The following NTN1 variants were observed in gnomAD, a reference collection of about 807,000 sequenced individuals.
NTN1 encodes the protein netrin-1.
NTN1 carries 11 observed loss-of-function variants against 54.2 expected under a neutral mutation model. That is an observed-to-expected ratio of 0.20 (90% confidence interval 0.13 to 0.34). NTN1 has a LOEUF of 0.34. Among genes scored for constraint, NTN1 ranks in the 10% least tolerant of loss-of-function variants. The pLI is 1.00. For synonymous variants in NTN1, 371 were observed against 382.0 expected (o/e 0.97, Z 0.33); for missense variants, 740 against 893.1 (o/e 0.83, Z 2.18).
intron 6 of NTN1, among the ~76,000 whole-genome samples, chr17:9,222,042 C>T (rs532720179): frequency 1.2e-4 from 18 of 152,358 alleles, no homozygotes; most frequent in African/African-American, 4.3e-4. Context: ...CCGCATACAG[C>T]CAGGGCATCC....
intron 3 of NTN1, among the ~76,000 whole-genome samples, chr17:9,164,504 T>C (rs12950910): frequency 0.11 from 16,039 of 151,614 alleles, 1,210 homozygotes; most frequent in South Asian, 0.29. Flanking sequence ...TCCAGAGATA[T>C]TAAGAATTTT....
At chr17:9,233,779 C>T (rs529518340) in intron 6 of NTN1, among the ~76,000 whole-genome samples, 1 of 152,156 alleles carries the variant, frequency 6.6e-6, no homozygotes, top group East Asian at 1.9e-4. Flanking sequence ...GATGCTCACT[C>T]TGGTGCCTTT....
At chr17:9,017,710 CCA>C (rs1185227533), upstream of NTN1, among the ~76,000 whole-genome samples, 1 of 152,210 alleles carries the variant, frequency 6.6e-6, no homozygotes, top group Non-Finnish European at 1.5e-5. Context: ...GTTTTGAACT[CCA>C]GTTTGCTCTG....
chr17:9,240,814 G>T lies in NTN1; in HGVS notation c.*846G>T, dbSNP rs1906188219. On this transcript the variant is annotated 3_prime_UTR_variant, in exon 7 of 7. Coordinates refer to ENST00000173229, the MANE Select transcript of NTN1 (RefSeq NM_004822.3). ...CCAGGGACACCCCTGAGAAGCCCAA[G>T]CCGGGTGGTCACCGCCTCATGCTGG... 1 of 152,348 alleles carries T rather than the reference G, an allele frequency of 6.6e-6. No individual in the cohort carries two copies. The highest frequency in any genetic ancestry group is 2.4e-5 in the African/African-American group (1 of 41,476). 9.4% of individuals were successfully genotyped at this position (152,348 alleles called of 1,614,324 possible).
Position 9,221,964 on chromosome 17 carries a change from G to A in NTN1, c.1486+722G>A, listed in dbSNP as rs1482724450. 6.6e-6 allele frequency among the ~76,000 whole-genome samples: 1 copy of A among 152,188 alleles called. No homozygotes were observed. The highest frequency in any genetic ancestry group is 1.5e-5 in the Non-Finnish European group (1 of 68,000). Reference sequence around the variant, plus strand: ...TGAAGAGCTGGGGCTGGTGGCAGGGGCTCTTCAGAATGGGGGACGCAAATA... The same window carrying A: ...TGAAGAGCTGGGGCTGGTGGCAGGGACTCTTCAGAATGGGGGACGCAAATA... On this transcript the variant is annotated intron_variant, in intron 6 of 6. Coordinates refer to ENST00000173229, the MANE Select transcript of NTN1 (RefSeq NM_004822.3). The surrounding 1 kb of genome is among the most constrained non-coding windows in gnomAD (Gnocchi z 4.5).
intron 2 of NTN1, among the ~76,000 whole-genome samples, chr17:9,030,232 A>G (rs532220323): frequency 6.6e-6 from 1 of 152,098 alleles, no homozygotes; most frequent in South Asian, 2.1e-4. Context: ...AGCTGCTGGC[A>G]CTCAGAGCAC....
chr17:9,029,820 C>A (rs148434234), intron 2 of NTN1, among the ~76,000 whole-genome samples: 1 of 152,002 alleles, frequency 6.6e-6, no homozygotes. Context: ...GGTGAAACCC[C>A]GTGTCTACTA....
At position 9,070,961 on chromosome 17, in the gene NTN1, A is replaced by G. The variant is rs116703277; in HGVS notation, c.1018+47570A>G. On this transcript the variant is annotated intron_variant, in intron 2 of 6. Coordinates refer to ENST00000173229, the MANE Select transcript of NTN1 (RefSeq NM_004822.3). ...ATCATTTGGTAGGGGCTGGACCCAT[A>G]GTTCGGTCTTCCCAAGACTTTTGGG... 2.8e-3 allele frequency among the ~76,000 whole-genome samples: 426 copies of G among 152,058 alleles called. 5 individuals are homozygous for G. The highest frequency in any genetic ancestry group is 9.6e-3 in the African/African-American group (397 of 41,424).
intron 2 of NTN1, among the ~76,000 whole-genome samples, chr17:9,116,431 G>T (rs2142257343): frequency 6.6e-6 from 1 of 151,998 alleles, no homozygotes; most frequent in Admixed American, 6.6e-5. Context: ...CTCGCTGTTT[G>T]TTTTTGTGAC....
chr17:9,060,071 A>G (rs11650357), intron 2 of NTN1, among the ~76,000 whole-genome samples: 1 of 151,950 alleles, frequency 6.6e-6, no homozygotes, highest in South Asian at 2.1e-4. Context: ...TTAGAGTAGG[A>G]TACATAATGA....
chr17:9,024,915 C>T (rs2091865151), intron 2 of NTN1, among the ~76,000 whole-genome samples: 1 of 152,204 alleles, frequency 6.6e-6, no homozygotes, highest in South Asian at 2.1e-4. Flanking sequence ...TTCCTTTGAT[C>T]TGCTCAGTTC....
chr17:9,082,379 A>G (rs1223094393), intron 2 of NTN1, among the ~76,000 whole-genome samples: 2 of 152,162 alleles, frequency 1.3e-5, no homozygotes, highest in Non-Finnish European at 2.9e-5. Context: ...GTATTTTTAA[A>G]AATAATTTTG....
intron 2 of NTN1, among the ~76,000 whole-genome samples, chr17:9,114,504 A>AG (rs1293400827): frequency 1.3e-5 from 2 of 151,262 alleles, no homozygotes; most frequent in Non-Finnish European, 2.9e-5. Context: ...CTGTAATCCC[A>AG]CACTTTGGGA....
chr17:9,173,436 C>G (rs1489220138), intron 3 of NTN1: 1 of 152,562 alleles, frequency 6.6e-6, no homozygotes, highest in Non-Finnish European at 1.5e-5. Flanking sequence ...GCCTCTGGAT[C>G]CTGCTTTTCT....
At chr17:9,065,194 C>G (rs976460453) in intron 2 of NTN1, among the ~76,000 whole-genome samples, 1 of 152,210 alleles carries the variant, frequency 6.6e-6, no homozygotes, top group Non-Finnish European at 1.5e-5. Flanking sequence ...GCCTCCACCT[C>G]CTGAAGTGCT....
chr17:9,237,549 C>T (rs1050924131), intron 6 of NTN1, among the ~76,000 whole-genome samples: 1 of 152,188 alleles, frequency 6.6e-6, no homozygotes, highest in African/African-American at 2.4e-5. Flanking sequence ...CAAAGCTGAG[C>T]TCTCCTGGAG....
intron 2 of NTN1, among the ~76,000 whole-genome samples, chr17:9,036,810 C>A (rs1448949970): frequency 6.6e-6 from 1 of 152,188 alleles, no homozygotes; most frequent in Non-Finnish European, 1.5e-5. Context: ...AGCTCTATAA[C>A]TTGAATGATA....
rs1170156475 is a variant in NTN1, at chr17:9,240,097, GCCGCACGGCGCGGGGGGCGGGA to G, written c.*132_*153del. 1.1e-4 allele frequency: 6 copies of G among 55,954 alleles called. No individual in the cohort carries two copies. The highest frequency in any genetic ancestry group is 2.2e-4 in the Admixed American group (1 of 4,502). 3.5% of individuals were successfully genotyped at this position (55,954 alleles called of 1,614,324 possible). On this transcript the variant is annotated 3_prime_UTR_variant, in exon 7 of 7. Coordinates refer to ENST00000173229, the MANE Select transcript of NTN1 (RefSeq NM_004822.3). ...CAGGTGGGGGGAGGGAGGGGGCGGG[GCCGCACGGCGCGGGGGGCGGGA>G]CCCTCGGCGGCCCCTCCCCCTACCC...
intron 2 of NTN1, among the ~76,000 whole-genome samples, chr17:9,118,852 T>C (rs2092223401): frequency 6.6e-6 from 1 of 152,256 alleles, no homozygotes; most frequent in South Asian, 2.1e-4. Context: ...CATTGCTGAG[T>C]AATATTCCAT....
Sources: gnomAD v4.1 joint callset for allele counts (sites outside exome capture counted in the v4.1 genomes callset) on GRCh38, gnomAD v4.1.1 for gene constraint, Gnocchi (gnomAD v3.1) non-coding constraint, MANE v1.5 for transcripts, NCBI Gene and HGNC (gene_info 2026-07-23, HGNC 2026-07-21) for gene names.